HDAC9: variants seen among roughly 807,000 people sequenced by gnomAD.
HDAC9 encodes histone deacetylase 9, also known as MEF-2 interacting transcription repressor (MITR) protein.
In HDAC9, 41 loss-of-function variants were observed where a neutral mutation model predicts 139.4. The observed-to-expected ratio is 0.29, with a 90% CI of 0.23 to 0.38. The LOEUF (loss-of-function observed/expected upper bound fraction) is 0.38. Ranked by LOEUF, HDAC9 falls within the 10% of genes least tolerant of loss-of-function variation. The probability of loss-of-function intolerance (pLI) is 1.00; values close to 1 mark genes in which losing one functional copy is unlikely to be tolerated. For missense variants in HDAC9, 1,147 were observed against 1,297.0 expected (o/e 0.88, Z 1.78); for synonymous variants, 517 against 476.2 (o/e 1.09, Z -1.12).
chr7:18,984,122 T>C (rs1257223383), intron 25 of HDAC9, among the ~76,000 whole-genome samples: 11 of 152,186 alleles, frequency 7.2e-5, no homozygotes, highest in Admixed American at 6.6e-4. Flanking sequence ...TGTGTGCTTA[T>C]TTGATTCCTT....
At chr7:18,253,654 C>T (rs1372341059) in intron 2 of HDAC9, among the ~76,000 whole-genome samples, 1 of 152,188 alleles carries the variant, frequency 6.6e-6, no homozygotes, top group African/African-American at 2.4e-5. Context: ...CTCACCATGT[C>T]ACCATCCAGT....
intron 22 of HDAC9, among the ~76,000 whole-genome samples, chr7:18,885,225 T>A (rs900013037): frequency 6.6e-6 from 1 of 152,206 alleles, no homozygotes; most frequent in Admixed American, 6.5e-5. Flanking sequence ...ATCAGAATTA[T>A]CCCAGGAATG....
intron 22 of HDAC9, among the ~76,000 whole-genome samples, chr7:18,919,007 G>A (rs1158340352): frequency 2.0e-5 from 3 of 151,874 alleles, no homozygotes; most frequent in African/African-American, 4.8e-5. Context: ...CTTTTAAGTC[G>A]TTGGTAATAA....
chr7:18,481,467 A>G (rs929465213), intron 1 of HDAC9, among the ~76,000 whole-genome samples: 3 of 152,192 alleles, frequency 2.0e-5, no homozygotes, highest in African/African-American at 4.8e-5. Context: ...ACTCAAATGG[A>G]TATTAACTAC....
At chr7:18,472,998 A>C (rs796329288) in intron 1 of HDAC9, among the ~76,000 whole-genome samples, 18 of 152,318 alleles carry the variant, frequency 1.2e-4, no homozygotes, top group African/African-American at 4.3e-4. Flanking sequence ...TATGCACAGC[A>C]ATCCAGATAG....
chr7:18,732,478 A>AGTGTATATAT (rs1481649197), intron 13 of HDAC9, among the ~76,000 whole-genome samples: 1 of 149,742 alleles, frequency 6.7e-6, no homozygotes, highest in Admixed American at 6.6e-5. Context: ...GTGTATATAC[A>AGTGTATATAT]GTGTATATAT....
At chr7:18,680,362 T>C (rs1781809137) in intron 12 of HDAC9, among the ~76,000 whole-genome samples, 1 of 152,022 alleles carries the variant, frequency 6.6e-6, no homozygotes, top group African/African-American at 2.4e-5. Flanking sequence ...TTATTTTAAC[T>C]TTGATTCAGA....
At chr7:18,969,097 T>C (rs1228995450) in intron 24 of HDAC9, among the ~76,000 whole-genome samples, 1 of 151,894 alleles carries the variant, frequency 6.6e-6, no homozygotes, top group East Asian at 1.9e-4. Flanking sequence ...CACAGAGTGC[T>C]GCATGTACAG....
intron 1 of HDAC9, among the ~76,000 whole-genome samples, chr7:18,401,296 C>T (rs914766240): frequency 6.6e-5 from 10 of 152,172 alleles, no homozygotes; most frequent in Non-Finnish European, 1.3e-4. Flanking sequence ...CCTCTCTACT[C>T]TGTATACATC....
intron 21 of HDAC9, among the ~76,000 whole-genome samples, chr7:18,854,578 A>G (rs1371750921): frequency 6.6e-6 from 1 of 152,110 alleles, no homozygotes; most frequent in Non-Finnish European, 1.5e-5. Context: ...AGGAGGGTAG[A>G]GAAAATATAG....
chr7:18,492,411 G>A (rs191532803), upstream of HDAC9, among the ~76,000 whole-genome samples: 1,271 of 151,970 alleles, frequency 8.4e-3, 20 homozygotes, highest in African/African-American at 0.029. Context: ...TGTCTGCATA[G>A]AAAGAAATTG....
rs1440611054 is a variant in HDAC9, at chr7:18,604,658, C to G, written c.664+10629C>G. Reference sequence around the variant, plus strand: ...TCATGATCCGCCTGTCTCGGCTTCCCAAAGTGCTGGGATTACAGGCGTGAG... The same window carrying G: ...TCATGATCCGCCTGTCTCGGCTTCCGAAAGTGCTGGGATTACAGGCGTGAG... On this transcript the variant is annotated intron_variant, in intron 6 of 25. Transcript: ENST00000686413. Among the ~76,000 whole-genome samples the G allele has an allele frequency of 3.3e-5, 5 of 152,240 alleles. No individual in the cohort carries two copies. The South Asian group carries it at 6.2e-4, about 19-fold the overall frequency.
At chr7:18,424,548 A>G (rs1463529086) in intron 1 of HDAC9, among the ~76,000 whole-genome samples, 3 of 152,188 alleles carry the variant, frequency 2.0e-5, no homozygotes, top group South Asian at 2.1e-4. Context: ...CTTTATGGCT[A>G]TTATGTGATT....
intron 25 of HDAC9, 46 bp from the exon 26 acceptor site, chr7:18,995,977 T>A: frequency 6.8e-7 from 1 of 1,461,754 alleles, no homozygotes; most frequent in Non-Finnish European, 9.4e-7. Context: ...TACAATGTCA[T>A]TGTGTACTCT....
At chr7:18,699,790 G>T (rs915050649) in intron 12 of HDAC9, among the ~76,000 whole-genome samples, 4 of 151,872 alleles carry the variant, frequency 2.6e-5, no homozygotes, top group Admixed American at 2.0e-4. Context: ...TACTACTGAG[G>T]ATTAAGACTA....
At chr7:18,929,711 G>C (rs540575225) in intron 22 of HDAC9, among the ~76,000 whole-genome samples, 84 of 152,248 alleles carry the variant, frequency 5.5e-4, no homozygotes, top group African/African-American at 2.0e-3. Context: ...GCAAAGGCTG[G>C]TGGATCACGA....
intron 22 of HDAC9, among the ~76,000 whole-genome samples, chr7:18,932,912 G>T (rs894043455): frequency 2.7e-5 from 4 of 147,524 alleles, no homozygotes; most frequent in South Asian, 2.1e-4. Flanking sequence ...ATGAGAATTT[G>T]TAATAAAGTT....
intron 17 of HDAC9, among the ~76,000 whole-genome samples, chr7:18,815,395 T>C (rs1345730581): frequency 3.9e-5 from 6 of 152,218 alleles, no homozygotes; most frequent in African/African-American, 1.4e-4. Context: ...TGGGTTATTA[T>C]TGCCTTACCA....
chr7:18,918,866 T>C (rs895818656), intron 22 of HDAC9, among the ~76,000 whole-genome samples: 4 of 152,084 alleles, frequency 2.6e-5, no homozygotes, highest in Non-Finnish European at 5.9e-5. Context: ...CCTAGGGGCC[T>C]GAACAATTGT....
Sources: gnomAD v4.1 joint callset for allele counts (sites outside exome capture counted in the v4.1 genomes callset) on GRCh38, gnomAD v4.1.1 for gene constraint, MANE v1.5 for transcripts, NCBI Gene and HGNC (gene_info 2026-07-23, HGNC 2026-07-21) for gene names.